The following ADH6 variants were observed in gnomAD, a reference collection of about 807,000 sequenced individuals.
The protein encoded by ADH6 is alcohol dehydrogenase 6 (class V).
A neutral mutation model predicts 36.5 loss-of-function variants in ADH6; 34 were observed. The ratio of observed to expected loss-of-function variants is 0.93; its 90% CI spans 0.71 to 1.24. ADH6 has a LOEUF of 1.24. ADH6 is among the 50% of genes most tolerant of loss of function. The probability of loss-of-function intolerance (pLI) is 0.00; values close to 1 mark genes in which losing one functional copy is unlikely to be tolerated. For missense variants in ADH6, 440 were observed against 447.0 expected, an observed-to-expected ratio of 0.98 and a Z score of 0.14; for synonymous variants, 161 against 155.5, an observed-to-expected ratio of 1.04 and a Z score of -0.26.
At chr4:99,204,340 A>T in intron 8 of ADH6, 97 bp from the exon 9 acceptor site, 1 of 1,518,228 alleles carries the variant, frequency 6.6e-7, no homozygotes, top group South Asian at 1.3e-5. Flanking sequence ...AGTAAACTAG[A>T]TTTTTTTTCT....
rs1331009130 is a variant in ADH6 at position 99,203,099 on chromosome 4, A to C, written c.*1120T>G. On this transcript the variant is annotated 3_prime_UTR_variant, in exon 9 of 9. Transcript: ENST00000394899. ...ACTATTTTGTTTAGATCAAAAAATG[A>C]TATTCCATTTTTTGGTCTCCCAAGG... The C allele has an allele frequency of 2.1e-5, 6 of 279,494 alleles. No homozygotes were observed. The highest frequency in any genetic ancestry group is 4.4e-5 in the African/African-American group (2 of 45,934). The allele number at this position is 279,494 out of a possible 1,614,324, so 17.3% of individuals were successfully genotyped here. A position where few individuals can be genotyped will look rare whatever the true frequency, so the allele number is the denominator to read the frequency against.
chr4:99,213,522 C>G (rs565665335), intron 3 of ADH6, 84 bp downstream of exon 3: 2 of 1,300,458 alleles, frequency 1.5e-6, no homozygotes, highest in East Asian at 5.0e-5. Flanking sequence ...TCACTTGATC[C>G]TGACATACTT....
At chr4:99,215,992 G>T (rs1394029401) in intron 2 of ADH6, 169 bp downstream of exon 2, 1 of 423,946 alleles carries the variant, frequency 2.4e-6, no homozygotes, top group Non-Finnish European at 4.1e-6. Context: ...CTTTTATCTG[G>T]CTGGATTTAA....
chr4:99,215,312 G>A (rs1319771745), intron 2 of ADH6, among the ~76,000 whole-genome samples: 1 of 152,198 alleles, frequency 6.6e-6, no homozygotes, highest in Non-Finnish European at 1.5e-5. Flanking sequence ...TCATTAAACT[G>A]TACTTATTCT....
In ADH6 at chr4:99,216,240, A is replaced by G; in HGVS notation, c.41T>C (p.Ile14Thr). Reference protein sequence around the residue: ...TGQVIRCKAAILWKPGAPFSI... With the variant: ...TGQVIRCKAATLWKPGAPFSI... Reference sequence around the variant, plus strand: ...AAATGGTGCACCAGGCTTCCAGAGTATGGCTGCTTTGCATCTGATGACCTG... The same window carrying G: ...AAATGGTGCACCAGGCTTCCAGAGTGTGGCTGCTTTGCATCTGATGACCTG... The change falls in exon 2 of 9, where the codon ATA becomes ACA. Residue 14 changes from isoleucine (I) to threonine (T), a missense_variant. Coordinates refer to ENST00000394899, the MANE Select transcript of ADH6 (RefSeq NM_001102470.2). 1 of 1,574,958 alleles carries G rather than the reference A, an allele frequency of 6.3e-7. No individual in the cohort carries two copies. Among genetic ancestry groups the G allele is most frequent in the African/African-American group, 1.4e-5 (1 of 72,084 alleles).
chr4:99,205,212 C>T (rs972417066), intron 7 of ADH6, 149 bp from the exon 8 acceptor site: 2 of 739,872 alleles, frequency 2.7e-6, no homozygotes, highest in Non-Finnish European at 4.2e-6. Flanking sequence ...AGAATGCCTA[C>T]CCCAACCACA....
intron 3 of ADH6, among the ~76,000 whole-genome samples, chr4:99,213,046 C>T (rs1473057529): frequency 6.6e-6 from 1 of 151,882 alleles, no homozygotes; most frequent in Non-Finnish European, 1.5e-5. Context: ...TTTTGCTTTT[C>T]ACATTTAATT....
chr4:99,213,036 T>G (rs1731281919), intron 3 of ADH6, among the ~76,000 whole-genome samples: 1 of 152,156 alleles, frequency 6.6e-6, no homozygotes, highest in Admixed American at 6.5e-5. Context: ...ACTTCTATGG[T>G]TTTGCTTTTC....
intron 7 of ADH6, among the ~76,000 whole-genome samples, chr4:99,206,889 T>A (rs2110543569): frequency 6.6e-6 from 1 of 152,270 alleles, no homozygotes. Context: ...ATAAAAATGT[T>A]CCAGGACAGG....
Position 99,203,070 on chromosome 4 carries a change from G to A in ADH6, c.*1149C>T. 2.9e-6 allele frequency: 1 copy of A among 350,096 alleles called. No homozygotes were observed. Among genetic ancestry groups the A allele is most frequent in the Non-Finnish European group, 5.1e-6 (1 of 195,558 alleles). 21.7% of individuals were successfully genotyped at this position (350,096 alleles called of 1,614,324 possible). ...CACCTTCCTGGCCAGTGTTAAATCA[G>A]GAAACTATTTTGTTTAGATCAAAAA... On this transcript the variant is annotated 3_prime_UTR_variant, in exon 9 of 9. Transcript: ENST00000394899.
intron 7 of ADH6, among the ~76,000 whole-genome samples, chr4:99,207,166 C>G (rs943426582): frequency 6.6e-6 from 1 of 151,886 alleles, no homozygotes; most frequent in Non-Finnish European, 1.5e-5. Flanking sequence ...ACAATATTGC[C>G]TTCTTTTCAA....
intron 1 of ADH6, among the ~76,000 whole-genome samples, chr4:99,217,208 T>G (rs1393170912): frequency 6.6e-6 from 1 of 152,092 alleles, no homozygotes; most frequent in Non-Finnish European, 1.5e-5. Flanking sequence ...GCTAATTTTT[T>G]TGTATTTTTA....
rs1166826263 is a variant in ADH6 at position 99,207,327 on chromosome 4, A to T, written c.964+119T>A. On this transcript the variant is annotated intron_variant, in intron 7 of 8. Coordinates refer to ENST00000394899, the MANE Select transcript of ADH6 (RefSeq NM_001102470.2). Reference sequence around the variant, plus strand: ...ATATTGGGTATTCATATGTTGAAAAAAAAAATCTGTAATATAAAGCTGTTG... The same window carrying T: ...ATATTGGGTATTCATATGTTGAAAATAAAAATCTGTAATATAAAGCTGTTG... 5.2e-5 allele frequency: 72 copies of T among 1,394,390 alleles called. No homozygotes were observed. In the East Asian group the frequency reaches 1.6e-3, roughly 31 times the overall value. The allele number at this position is 1,394,390 out of a possible 1,614,324, so 86.4% of individuals were successfully genotyped here.
rs1334438866 is a variant in ADH6, at chr4:99,208,859, T to A, written c.637A>T (p.Lys213Ter). The part of the protein sequence containing the change: ...GVGLSVVMGC[K>*]AAGAARIIGV... ...ATGATCCTGGCTGCTCCTGCTGCTT[T>A]ACAACCCATGACAACAGACAAGCCG... Residue 213 changes from lysine to a stop codon, truncating the protein, a stop_gained, in exon 6 of 9, where the codon AAA (lysine) becomes TAA (stop). Coordinates refer to ENST00000394899, the MANE Select transcript of ADH6 (RefSeq NM_001102470.2). LOFTEE classifies it high-confidence loss of function. 6.2e-7 allele frequency: 1 copy of A among 1,613,762 alleles called. No individual in the cohort carries two copies. Among genetic ancestry groups the A allele is most frequent in the African/African-American group, 1.3e-5 (1 of 74,952 alleles).
intron 8 of ADH6, 146 bp from the exon 9 acceptor site, chr4:99,204,389 A>T: frequency 1.4e-6 from 2 of 1,418,414 alleles, no homozygotes; most frequent in Non-Finnish European, 9.1e-7. Context: ...AAGCCATGGG[A>T]AGATTTTTTA....
intron 2 of ADH6, 47 bp from the exon 3 acceptor site, chr4:99,213,794 T>C (rs1045277012): frequency 6.7e-7 from 1 of 1,494,262 alleles, no homozygotes; most frequent in Admixed American, 2.2e-5. Context: ...TTTCAGATAA[T>C]GGTGTTTTAG....
rs1042006369 is a variant in ADH6 at position 99,208,862 on chromosome 4, A to C, written c.634T>G (p.Cys212Gly). ...ATCCTGGCTGCTCCTGCTGCTTTAC[A>C]ACCCATGACAACAGACAAGCCGACT... is the stretch of plus-strand genomic sequence containing the variant. ...GGVGLSVVMG[C>G]KAAGAARIIG... Residue 212 changes from cysteine to glycine, a missense_variant, in exon 6 of 9, where the codon TGT (cysteine) becomes GGT (glycine). Cys to Gly is a radical substitution (Grantham distance 159). Coordinates refer to ENST00000394899, the MANE Select transcript of ADH6 (RefSeq NM_001102470.2). The C allele has an allele frequency of 6.2e-7, 1 of 1,613,780 alleles. No individual in the cohort carries two copies. The highest frequency in any genetic ancestry group is 8.5e-7 in the Non-Finnish European group (1 of 1,179,800).
At chr4:99,206,554 A>G (rs1271370660) in intron 7 of ADH6, among the ~76,000 whole-genome samples, 2 of 142,884 alleles carry the variant, frequency 1.4e-5, no homozygotes, top group South Asian at 2.3e-4. Flanking sequence ...GATTATATAT[A>G]TAACTGGATT....
intron 7 of ADH6, among the ~76,000 whole-genome samples, chr4:99,207,205 T>C (rs753196203): frequency 4.6e-5 from 7 of 152,044 alleles, no homozygotes; most frequent in Non-Finnish European, 8.8e-5. Flanking sequence ...TGTTGGACAC[T>C]GGATTCTTTA....
Sources: gnomAD v4.1 joint callset for allele counts (sites outside exome capture counted in the v4.1 genomes callset) on GRCh38, gnomAD v4.1.1 for gene constraint, MANE v1.5 for transcripts, NCBI Gene and HGNC (gene_info 2026-07-23, HGNC 2026-07-21) for gene names.